The following THRAP3 variants were observed in gnomAD, a reference collection of about 807,000 sequenced individuals.
THRAP3 encodes the protein thyroid hormone receptor-associated protein 3.
A neutral mutation model predicts 101.0 loss-of-function variants in THRAP3; 16 were observed. The observed-to-expected ratio is 0.16, with a 90% CI of 0.11 to 0.24. THRAP3 has a LOEUF of 0.24. Ranked by LOEUF, THRAP3 falls within the 10% of genes least tolerant of loss-of-function variation. The pLI, the probability that THRAP3 is intolerant of heterozygous loss-of-function variation, is 1.00. For missense variants in THRAP3, 989 were observed against 1,202.7 expected (o/e 0.82, Z 2.63); for synonymous variants, 407 against 422.6 (o/e 0.96, Z 0.45).
At chr1:36,276,935 A>G (rs1645668535) in intron 2 of THRAP3, among the ~76,000 whole-genome samples, 1 of 152,168 alleles carries the variant, frequency 6.6e-6, no homozygotes, top group African/African-American at 2.4e-5. Context: ...TACATCCAAT[A>G]AGGGACTTGT....
the THRAP3 span, among the ~76,000 whole-genome samples, chr1:36,218,416 A>G: frequency 7.2e-6 from 1 of 139,128 alleles, no homozygotes; most frequent in Non-Finnish European, 1.5e-5. Context: ...CTCTGTCTCA[A>G]AAAAAAAAAA....
intron 1 of THRAP3, 125 bp downstream of exon 1, chr1:36,224,630 C>T (rs1019374776): frequency 6.6e-6 from 1 of 152,608 alleles, no homozygotes; most frequent in East Asian, 1.9e-4. Context: ...TCGCTCCCCC[C>T]AGCTTACACC....
At chr1:36,279,926 T>G (rs1026741540) in intron 2 of THRAP3, among the ~76,000 whole-genome samples, 5 of 152,210 alleles carry the variant, frequency 3.3e-5, no homozygotes, top group Admixed American at 2.6e-4. Flanking sequence ...GTTCCATAAG[T>G]TCGTTAGTAC....
intron 1 of THRAP3, among the ~76,000 whole-genome samples, chr1:36,253,377 A>G (rs927157976): frequency 2.6e-5 from 4 of 152,218 alleles, no homozygotes; most frequent in Non-Finnish European, 5.9e-5. Flanking sequence ...TAGTTTACAC[A>G]TGCATTAAGG....
intron 5 of THRAP3, among the ~76,000 whole-genome samples, chr1:36,290,624 C>T (rs1373620134): frequency 1.3e-5 from 2 of 152,170 alleles, no homozygotes; most frequent in South Asian, 2.1e-4. Context: ...TGCCACCACA[C>T]CTGGCTAATT....
Position 36,303,784 on chromosome 1 carries a change from CT to C in THRAP3, c.2647-9del. Reference sequence around the variant, plus strand: ...TCACTCTGGCACTGATGGCAATTTTCTTTCCCCTCAGCATGATGACCGTGAA... The same window carrying C: ...TCACTCTGGCACTGATGGCAATTTTCTTCCCCTCAGCATGATGACCGTGAA... On this transcript the variant is annotated splice_polypyrimidine_tract_variant and intron_variant, in intron 11 of 11. Coordinates refer to ENST00000354618, the MANE Select transcript of THRAP3 (RefSeq NM_005119.4). 1 of 1,613,948 alleles carries C rather than the reference CT, an allele frequency of 6.2e-7. No homozygotes were observed. Among genetic ancestry groups the C allele is most frequent in the Non-Finnish European group, 8.5e-7 (1 of 1,179,920 alleles).
rs766039077 is a variant in THRAP3 at position 36,301,014 on chromosome 1, A to G, written c.2432A>G (p.Lys811Arg). The G allele has an allele frequency of 3.1e-6, 5 of 1,614,188 alleles. No individual in the cohort carries two copies. Among genetic ancestry groups the G allele is most frequent in the Non-Finnish European group, 3.4e-6 (4 of 1,180,030 alleles). ...EREESTTGFD[K>R]SRLGTKDFVG... ...GAGGAGAGCACCACGGGCTTTGACA[A>G]ATCAAGACTGGGGACCAAAGACTTT... The change falls in exon 10 of 12, where the codon AAA (lysine) becomes AGA (arginine). Residue 811 changes from lysine to arginine, a missense_variant. Physicochemically the swap from Lys to Arg is conservative, Grantham distance 26. Coordinates refer to ENST00000354618, the MANE Select transcript of THRAP3 (RefSeq NM_005119.4).
At chr1:36,220,863 G>C (rs1644899110), upstream of THRAP3, among the ~76,000 whole-genome samples, 2 of 150,158 alleles carry the variant, frequency 1.3e-5, no homozygotes, top group African/African-American at 4.9e-5. Context: ...ACTGAGACAG[G>C]AGGATCGCTT....
intron 8 of THRAP3, among the ~76,000 whole-genome samples, chr1:36,295,839 A>G (rs975768646): frequency 1.3e-5 from 2 of 151,754 alleles, no homozygotes; most frequent in Non-Finnish European, 1.5e-5. Context: ...AGGATAAGCC[A>G]TGGGTGGATA....
chr1:36,258,763 G>A (rs1266176998), intron 1 of THRAP3, among the ~76,000 whole-genome samples: 1 of 152,260 alleles, frequency 6.6e-6, no homozygotes, highest in Non-Finnish European at 1.5e-5. Context: ...ATAGGCGTGA[G>A]CCACTGCCCC....
At chr1:36,267,442 CA>C (rs1645530444) in intron 2 of THRAP3, among the ~76,000 whole-genome samples, 1 of 152,018 alleles carries the variant, frequency 6.6e-6, no homozygotes, top group South Asian at 2.1e-4. Flanking sequence ...ACACATGCAC[CA>C]AATAAGAGTT....
chr1:36,299,920 A>C (rs115513259), intron 9 of THRAP3, among the ~76,000 whole-genome samples: 81 of 152,236 alleles, frequency 5.3e-4, no homozygotes, highest in African/African-American at 1.9e-3. Flanking sequence ...TTGTATGAAT[A>C]AGTGTGTGTG....
rs758434463 is a variant in THRAP3 at position 36,291,578 on chromosome 1, G to A, written c.1918+32G>A. 3.1e-5 allele frequency: 50 copies of A among 1,605,452 alleles called. No homozygotes were observed. The African/African-American group carries it at 4.4e-4, about 14-fold the overall frequency. On this transcript the variant is annotated intron_variant, in intron 6 of 11. Coordinates refer to ENST00000354618, the MANE Select transcript of THRAP3 (RefSeq NM_005119.4). ...CCAGACCCTGGCCTGCTTCAGGCTC[G>A]TGTTCCACACTTAGAAGAAGGATGA...
At chr1:36,261,965 A>G (rs1645451638) in intron 2 of THRAP3, among the ~76,000 whole-genome samples, 1 of 152,178 alleles carries the variant, frequency 6.6e-6, no homozygotes, top group Non-Finnish European at 1.5e-5. Context: ...AAGTGACTGG[A>G]CAGTACTAGA....
intron 1 of THRAP3, among the ~76,000 whole-genome samples, chr1:36,226,222 A>G (rs1349434311): frequency 2.0e-5 from 3 of 152,196 alleles, no homozygotes; most frequent in Non-Finnish European, 2.9e-5. Context: ...GAGATGGGAA[A>G]TGTTGATGAC....
intron 1 of THRAP3, among the ~76,000 whole-genome samples, chr1:36,258,429 G>T (rs943198733): frequency 7.2e-5 from 11 of 152,276 alleles, no homozygotes; most frequent in African/African-American, 2.4e-4. Context: ...TTTGGTAAAG[G>T]ATCTGAATAC....
intron 1 of THRAP3, among the ~76,000 whole-genome samples, chr1:36,252,972 AT>A (rs1645326962): frequency 7.8e-6 from 1 of 128,260 alleles, no homozygotes; most frequent in African/African-American, 2.9e-5. Context: ...ATATATATAA[AT>A]GTAAATAATG....
In THRAP3 at chr1:36,287,066, G is replaced by A; in HGVS notation, c.836G>A (p.Ser279Asn). ...PVPKPSPPLS[S>N]TSQMGSTLPS... Reference sequence around the variant, plus strand: ...CCAAAACCTAGTCCTCCACTTTCCAGCACATCCCAGATGGGCTCAACTCTG... The same window carrying A: ...CCAAAACCTAGTCCTCCACTTTCCAACACATCCCAGATGGGCTCAACTCTG... Residue 279 changes from serine to asparagine, a missense_variant, in exon 4 of 12, where the codon AGC becomes AAC. Transcript: ENST00000354618. 6.2e-7 allele frequency: 1 copy of A among 1,613,806 alleles called. No homozygotes were observed. The highest frequency in any genetic ancestry group is 1.1e-5 in the South Asian group (1 of 91,048).
intron 2 of THRAP3, among the ~76,000 whole-genome samples, chr1:36,260,565 G>A (rs1016594806): frequency 2.6e-5 from 4 of 152,200 alleles, no homozygotes; most frequent in Non-Finnish European, 5.9e-5. Context: ...GCTCACGCCT[G>A]TAATCTCAGC....
Sources: gnomAD v4.1 joint callset for allele counts (sites outside exome capture counted in the v4.1 genomes callset) on GRCh38, gnomAD v4.1.1 for gene constraint, MANE v1.5 for transcripts, NCBI Gene and HGNC (gene_info 2026-07-23, HGNC 2026-07-21) for gene names.